SNX27: variants seen among roughly 807,000 people sequenced by gnomAD.
The protein encoded by SNX27 is sorting nexin 27.
In SNX27, 22 loss-of-function variants were observed where a neutral mutation model predicts 71.6. The observed-to-expected ratio is 0.31, with a 90% CI of 0.22 to 0.44. SNX27 has a LOEUF of 0.44. Ranked by LOEUF, SNX27 falls within the 20% of genes least tolerant of loss-of-function variation. SNX27 has a pLI of 1.00. For missense variants in SNX27, 531 were observed against 698.6 expected, an observed-to-expected ratio of 0.76 and a Z score of 2.70; for synonymous variants, 269 against 277.2, an observed-to-expected ratio of 0.97 and a Z score of 0.29.
chr1:151,621,897 T>C (rs1341148888), intron 1 of SNX27, among the ~76,000 whole-genome samples: 3 of 152,354 alleles, frequency 2.0e-5, no homozygotes, highest in Non-Finnish European at 4.4e-5. Context: ...CTGTCTTTAC[T>C]TGGAAACAGC....
intron 2 of SNX27, among the ~76,000 whole-genome samples, chr1:151,652,365 G>A (rs1003590459): frequency 6.7e-6 from 1 of 150,048 alleles, no homozygotes; most frequent in Non-Finnish European, 1.5e-5. Flanking sequence ...GTCTGCTGAT[G>A]AGACTGTTAG....
intron 9 of SNX27, 133 bp from the exon 10 acceptor site, chr1:151,692,778 C>A: frequency 1.4e-6 from 2 of 1,400,758 alleles, no homozygotes; most frequent in Non-Finnish European, 2.0e-6. Context: ...ATTCTTCTAT[C>A]ACAGTCCTTT....
At position 151,625,463 on chromosome 1, in the gene SNX27, G is replaced by A. The variant is rs535741443; in HGVS notation, c.311+12951G>A. On this transcript the variant is annotated intron_variant, in intron 1 of 11. Transcript: ENST00000458013. ...GGAGATTGCAGTGAGCTGAGATCAT[G>A]CCACTGCACTCCAGCCTGGGTGACA... Among the ~76,000 whole-genome samples, 420 of 151,274 alleles carry A rather than the reference G, an allele frequency of 2.8e-3. 1 individual carries two copies. Among genetic ancestry groups the A allele is most frequent in the African/African-American group, 9.5e-3 (390 of 41,164 alleles).
chr1:151,654,708 C>T (rs1669594465), intron 2 of SNX27, among the ~76,000 whole-genome samples: 1 of 152,058 alleles, frequency 6.6e-6, no homozygotes, highest in African/African-American at 2.4e-5. Context: ...TGGTGAAGGC[C>T]TTTCTGTTGT....
intron 1 of SNX27, chr1:151,629,177 A>G (rs1352094588): frequency 1.3e-5 from 2 of 151,886 alleles, no homozygotes; most frequent in Admixed American, 1.3e-4. Context: ...CATGTTTACA[A>G]TTTTACATGA....
At chr1:151,653,719 C>T (rs998544887) in intron 2 of SNX27, among the ~76,000 whole-genome samples, 17 of 151,984 alleles carry the variant, frequency 1.1e-4, no homozygotes, top group African/African-American at 4.1e-4. Context: ...CAGAGTCCCA[C>T]TATTTTGTTC....
chr1:151,694,339 TC>T, intron 11 of SNX27, 30 bp from the exon 12 acceptor site: 1 of 1,549,208 alleles, frequency 6.5e-7, no homozygotes, highest in Non-Finnish European at 8.7e-7. Context: ...AGATGTGCCT[TC>T]CCAATAACTC....
intron 2 of SNX27, among the ~76,000 whole-genome samples, chr1:151,647,408 C>A (rs2102650742): frequency 6.8e-6 from 1 of 147,308 alleles, no homozygotes; most frequent in South Asian, 2.2e-4. Context: ...CCTTGGCCTC[C>A]CAAAGTGCTG....
At position 151,658,249 on chromosome 1, in the gene SNX27, C is replaced by T. The variant is rs776060736; in HGVS notation, c.558C>T (p.Tyr186=). Residue 186 remains tyrosine (Y), a synonymous_variant, in exon 3 of 12, where the codon TAC becomes TAT. Coordinates refer to ENST00000458013, the MANE Select transcript of SNX27 (RefSeq NM_001330723.2). ...NGEKFVVYNV[Y]MAGRQLCSKR... is the part of the protein sequence containing the mutation. ...TCCTTCACCAGGTATATAATGTTTA[C>T]ATGGCAGGGAGGCAGCTGTGTTCTA... 1 of 1,608,124 alleles carries T rather than the reference C, an allele frequency of 6.2e-7. No individual in the cohort carries two copies. The highest frequency in any genetic ancestry group is 1.1e-5 in the South Asian group (1 of 89,854).
chr1:151,657,038 G>C (rs1488264203), intron 2 of SNX27, among the ~76,000 whole-genome samples: 2 of 152,168 alleles, frequency 1.3e-5, no homozygotes, highest in East Asian at 3.8e-4. Context: ...CAGAGAAACA[G>C]GGACATAAGG....
intron 2 of SNX27, among the ~76,000 whole-genome samples, chr1:151,655,067 T>G (rs1669621640): frequency 6.6e-6 from 1 of 152,216 alleles, no homozygotes; most frequent in Admixed American, 6.5e-5. Flanking sequence ...GCAGTGTGAT[T>G]GGGTGCTAGA....
rs1558046928 is a variant in SNX27, at chr1:151,641,825, G to GCTATAGATATATATGAGATATATATA, written c.543+2706_543+2707insCTATAGATATATATGAGATATATATA. Among the ~76,000 whole-genome samples, 40 of 125,844 alleles carry GCTATAGATATATATGAGATATATATA rather than the reference G, an allele frequency of 3.2e-4. 3 individuals carry two copies. Among genetic ancestry groups the GCTATAGATATATATGAGATATATATA allele is most frequent in the Non-Finnish European group, 4.9e-4 (30 of 61,290 alleles). The allele number at this position is 125,844 out of a possible 152,430, so 82.6% of individuals were successfully genotyped here. A position where few individuals can be genotyped will look rare whatever the true frequency, so the allele number is the denominator to read the frequency against. ...ATATAGATATATATGAGATATATAT[G>GCTATAGATATATATGAGATATATATA]TCAGCTATAGATATATATGAGATAT... On this transcript the variant is annotated intron_variant, in intron 2 of 11. Transcript: ENST00000458013.
intron 1 of SNX27, among the ~76,000 whole-genome samples, chr1:151,636,720 G>C (rs1668474733): frequency 7.0e-6 from 1 of 143,528 alleles, no homozygotes; most frequent in African/African-American, 2.9e-5. Flanking sequence ...AAGGTTCCTA[G>C]GGATATATAA....
At chr1:151,616,780 C>T (rs955505852) in intron 1 of SNX27, among the ~76,000 whole-genome samples, 1 of 152,162 alleles carries the variant, frequency 6.6e-6, no homozygotes, top group East Asian at 1.9e-4. Flanking sequence ...TGTTTGGCAG[C>T]GGTTCTCAGG....
At chr1:151,653,860 G>A (rs1669553380) in intron 2 of SNX27, among the ~76,000 whole-genome samples, 1 of 138,786 alleles carries the variant, frequency 7.2e-6, no homozygotes, top group Non-Finnish European at 1.5e-5. Context: ...TTGAGATGGA[G>A]TCTTGCTCTG....
rs978937151 is a variant in SNX27 at position 151,694,385 on chromosome 1, G to A, written c.1594G>A (p.Ala532Thr). 1.3e-6 allele frequency: 2 copies of A among 1,549,712 alleles called. No homozygotes were observed. The highest frequency in any genetic ancestry group is 2.7e-5 in the African/African-American group (2 of 72,826). Residue 532 changes from alanine (A) to threonine (T), a missense_variant, in exon 12 of 12, where the codon GCG becomes ACG. Ala to Thr is a moderately conservative substitution (Grantham distance 58). Around this residue, in one of 5 missense-constraint regions of SNX27, gnomAD observed 157 missense variants for 178.4 expected, o/e 0.88. Transcript: ENST00000458013. ...TTCCTTTCAGAACATTTTCCAGATG[G>A]CGAGGTCACAGCAGAGAGATGTGGC... ...KWRKENIFQMARSQQRDVAT is the reference protein window; with the variant it reads ...KWRKENIFQMTRSQQRDVAT
At chr1:151,654,126 C>T (rs1242505723) in intron 2 of SNX27, among the ~76,000 whole-genome samples, 4 of 152,142 alleles carry the variant, frequency 2.6e-5, no homozygotes, top group Non-Finnish European at 4.4e-5. Flanking sequence ...CCACCGTGCC[C>T]GGCCGACCCT....
At chr1:151,636,716 CCTAGGGATATATA>C (rs373474177) in intron 1 of SNX27, among the ~76,000 whole-genome samples, 3,338 of 148,886 alleles carry the variant, frequency 0.022, 123 homozygotes, top group African/African-American at 0.077. Context: ...AGCTAAGGTT[CCTAGGGATATATA>C]AGAATGTATG....
chr1:151,625,896 C>T (rs1485824408), intron 1 of SNX27, among the ~76,000 whole-genome samples: 3 of 151,492 alleles, frequency 2.0e-5, no homozygotes, highest in African/African-American at 7.3e-5. Context: ...TGTAGTGAGC[C>T]GAGATCAGGC....
Sources: allele counts gnomAD v4.1 joint callset (sites outside exome capture counted in the v4.1 genomes callset), GRCh38; gene constraint gnomAD v4.1.1; regional missense constraint gnomAD v4.1.1; transcripts MANE v1.5; gene names NCBI Gene and HGNC (gene_info 2026-07-23, HGNC 2026-07-21).